SPART: variants seen among roughly 807,000 people sequenced by gnomAD.
SPART encodes spartin, also known as spastic paraplegia 20 (Troyer syndrome).
In SPART, 35 loss-of-function variants were observed where a neutral mutation model predicts 58.7. That is an observed-to-expected ratio of 0.60 (90% CI 0.46 to 0.79). The LOEUF (loss-of-function observed/expected upper bound fraction) is 0.79. Ranked by LOEUF, SPART falls within the 30% of genes least tolerant of loss-of-function variation. The pLI, the probability that SPART is intolerant of heterozygous loss-of-function variation, is 0.00. For missense variants in SPART, 730 were observed against 786.1 expected, an observed-to-expected ratio of 0.93 and a Z score of 0.85; for synonymous variants, 284 against 280.7, an observed-to-expected ratio of 1.01 and a Z score of -0.12.
At chr13:36,365,634 C>T in intron 1 of SPART, 1 of 468,060 alleles carries the variant, frequency 2.1e-6, no homozygotes, top group Non-Finnish European at 4.4e-6. Flanking sequence ...CAACTTTATC[C>T]CTAGTTTTTT....
Position 36,326,703 on chromosome 13 carries a change from A to T in SPART, c.1165-5T>A, listed in dbSNP as rs541874937. 7.4e-6 allele frequency: 12 copies of T among 1,612,514 alleles called. 2 individuals carry two copies. The South Asian group carries it at 1.1e-4, about 15-fold the overall frequency. The stretch of plus-strand genomic sequence containing the variant: ...TTCACTTGAAGTATCTTTAGCCTAA[A>T]CAGTAAAAATGTTTCAAAATGTGAA... On this transcript the variant is annotated splice_region_variant and splice_polypyrimidine_tract_variant and intron_variant, in intron 4 of 8. Coordinates refer to ENST00000438666, the MANE Select transcript of SPART (RefSeq NM_015087.5).
At chr13:36,335,955 T>A in intron 1 of SPART, 123 bp from the exon 2 acceptor site, 1 of 777,822 alleles carries the variant, frequency 1.3e-6, no homozygotes, top group South Asian at 1.5e-5. Flanking sequence ...TGTTCACTAT[T>A]ATACTATCCT....
At chr13:36,357,059 C>T (rs775593943) in intron 1 of SPART, among the ~76,000 whole-genome samples, 1 of 152,174 alleles carries the variant, frequency 6.6e-6, no homozygotes, top group Non-Finnish European at 1.5e-5. Context: ...TCCCTTTCCT[C>T]GTAAAGGCTG....
At chr13:36,343,667 TG>T (rs1225724267) in intron 1 of SPART, among the ~76,000 whole-genome samples, 2 of 152,194 alleles carry the variant, frequency 1.3e-5, no homozygotes, top group Non-Finnish European at 2.9e-5. Context: ...ATAATGGACA[TG>T]GTCTGTCTCT....
intron 5 of SPART, among the ~76,000 whole-genome samples, chr13:36,322,121 C>A (rs1200501011): frequency 1.3e-5 from 2 of 152,134 alleles, no homozygotes; most frequent in Non-Finnish European, 2.9e-5. Context: ...CCACCTGCAC[C>A]CAGGTGAAAT....
intron 1 of SPART, among the ~76,000 whole-genome samples, chr13:36,366,032 A>T (rs1482788193): frequency 6.6e-6 from 1 of 152,088 alleles, no homozygotes; most frequent in Non-Finnish European, 1.5e-5. Flanking sequence ...TGCTTTCTCT[A>T]TGTGTGACCA....
At chr13:36,347,249 T>C (rs1221017473), upstream of SPART, among the ~76,000 whole-genome samples, 1 of 152,052 alleles carries the variant, frequency 6.6e-6, no homozygotes, top group African/African-American at 2.4e-5. Flanking sequence ...GACAGAGTCT[T>C]ACTATGTTGC....
rs1268480465 is a variant in SPART, at chr13:36,318,780, C to T, written c.1289-4359G>A. ...GCAGCCCGGGATTCCTCCTAAGCCCCGTCCCATCTGTGTGGGACCCCACTG... is the reference window on the plus strand; with the variant it reads ...GCAGCCCGGGATTCCTCCTAAGCCCTGTCCCATCTGTGTGGGACCCCACTG... On this transcript the variant is annotated intron_variant, in intron 5 of 8. Coordinates refer to ENST00000438666, the MANE Select transcript of SPART (RefSeq NM_015087.5). 1.6e-4 allele frequency among the ~76,000 whole-genome samples: 24 copies of T among 152,238 alleles called. No homozygotes were observed. The South Asian group carries it at 2.7e-3, about 17-fold the overall frequency.
At chr13:36,325,420 A>G (rs745557396) in intron 5 of SPART, among the ~76,000 whole-genome samples, 2 of 152,144 alleles carry the variant, frequency 1.3e-5, no homozygotes, top group Non-Finnish European at 2.9e-5. Flanking sequence ...CTAGCAAGCT[A>G]ATTATTTTAG....
At chr13:36,305,569 T>A (rs1178824058) in intron 8 of SPART, among the ~76,000 whole-genome samples, 1 of 152,112 alleles carries the variant, frequency 6.6e-6, no homozygotes, top group African/African-American at 2.4e-5. Context: ...GCCTCAGAGT[T>A]TTTTGAGCAT....
rs369491741 is a variant in SPART at position 36,335,566 on chromosome 13, G to A, written c.265C>T (p.Arg89Cys). Residue 89 changes from arginine to cysteine, a missense_variant, in exon 2 of 9, where the codon CGC (arginine) becomes TGC (cysteine). By Grantham distance (180) the Arg-to-Cys change is radical. Coordinates refer to ENST00000438666, the MANE Select transcript of SPART (RefSeq NM_015087.5). Reference sequence around the variant, plus strand: ...TTCTCTAGAATTTCCAGCCTGGTGCGTACATTCTGTAGAGTTTCTTTCATT... The same window carrying A: ...TTCTCTAGAATTTCCAGCCTGGTGCATACATTCTGTAGAGTTTCTTTCATT... ...QKMKETLQNV[R>C]TRLEILEKGL... The A allele has an allele frequency of 1.3e-4, 215 of 1,613,958 alleles. No individual in the cohort carries two copies. The highest frequency in any genetic ancestry group is 1.7e-4 in the Non-Finnish European group (200 of 1,180,008).
rs574448043 is a variant in SPART, at chr13:36,304,529, C to T, written c.1837G>A (p.Val613Met). 1.7e-5 allele frequency: 27 copies of T among 1,614,128 alleles called. No homozygotes were observed. In the East Asian group the frequency reaches 6.0e-4, roughly 36 times the overall value. ...CCTGTTTGTGTTGCAGTTTTCTTCA[C>T]CATTGCTTTGATACCAATGTTGTTA... ...NINNIGIKAM[V>M]KKTATQTGHT... The change falls in exon 9 of 9, where the codon GTG becomes ATG. Residue 613 changes from valine to methionine, a missense_variant. Physicochemically the swap from Val to Met is conservative, Grantham distance 21 (BLOSUM62 1). Coordinates refer to ENST00000438666, the MANE Select transcript of SPART (RefSeq NM_015087.5).
chr13:36,323,896 T>A (rs1429180785), intron 5 of SPART, among the ~76,000 whole-genome samples: 1 of 152,148 alleles, frequency 6.6e-6, no homozygotes, highest in Non-Finnish European at 1.5e-5. Flanking sequence ...AATAAAGAAG[T>A]CCTCTGAGTG....
At chr13:36,338,448 G>C (rs970372240) in intron 1 of SPART, among the ~76,000 whole-genome samples, 2 of 152,082 alleles carry the variant, frequency 1.3e-5, no homozygotes, top group African/African-American at 4.8e-5. Flanking sequence ...AACCTCCAAA[G>C]GCATAAGAAT....
intron 8 of SPART, among the ~76,000 whole-genome samples, chr13:36,309,699 G>A (rs1880897754): frequency 2.6e-5 from 4 of 152,148 alleles, no homozygotes; most frequent in Admixed American, 2.6e-4. Flanking sequence ...ACATAAAGAT[G>A]ACAACAATAG....
intron 4 of SPART, among the ~76,000 whole-genome samples, chr13:36,328,431 T>C (rs932126439): frequency 1.3e-5 from 2 of 152,200 alleles, no homozygotes; most frequent in Non-Finnish European, 2.9e-5. Context: ...AACTCTTCTT[T>C]ATCCTTCAAG....
At chr13:36,358,936 T>C (rs553604705) in intron 1 of SPART, among the ~76,000 whole-genome samples, 25 of 152,320 alleles carry the variant, frequency 1.6e-4, no homozygotes, top group African/African-American at 6.0e-4. Context: ...CTAATAAATA[T>C]TGTTTTGGGG....
chr13:36,338,139 G>A (rs574252682), intron 1 of SPART, among the ~76,000 whole-genome samples: 21 of 152,206 alleles, frequency 1.4e-4, no homozygotes, highest in Middle Eastern at 3.4e-3. Context: ...TAGGGGTCTT[G>A]CAACTTATCT....
chr13:36,319,905 C>T (rs66496016), intron 5 of SPART, among the ~76,000 whole-genome samples: 36,175 of 151,592 alleles, frequency 0.24, 4,784 homozygotes, highest in East Asian at 0.51. Context: ...CACACGTGCT[C>T]TCCCTGCCAA....
Sources: allele counts gnomAD v4.1 joint callset (sites outside exome capture counted in the v4.1 genomes callset), GRCh38; gene constraint gnomAD v4.1.1; transcripts MANE v1.5; gene names NCBI Gene and HGNC (gene_info 2026-07-23, HGNC 2026-07-21).